ZNF106: variants seen among roughly 807,000 people sequenced by gnomAD.
The protein encoded by ZNF106 is zinc finger protein 106, also known as SH3-domain binding protein 3.
Under a neutral mutation model 195.1 loss-of-function variants are expected in ZNF106, and 67 were observed. That is an observed-to-expected ratio of 0.34 (90% CI 0.28 to 0.42). The LOEUF is 0.42. Ranked by LOEUF, ZNF106 falls within the 10% of genes least tolerant of loss-of-function variation. The probability of loss-of-function intolerance (pLI) is 1.00; values close to 1 mark genes in which losing one functional copy is unlikely to be tolerated. For missense variants in ZNF106, 2,118 were observed against 2,304.5 expected (o/e 0.92, Z 1.66); for synonymous variants, 784 against 818.6 (o/e 0.96, Z 0.72).
intron 3 of ZNF106, among the ~76,000 whole-genome samples, chr15:42,457,896 A>C (rs2056284183): frequency 6.6e-6 from 1 of 152,220 alleles, no homozygotes; most frequent in Non-Finnish European, 1.5e-5. Context: ...TAAACTAGGC[A>C]GACTTTTTTG....
chr15:42,476,214 C>T lies in ZNF106; in HGVS notation c.-32-3893G>A, dbSNP rs571730070. Among the ~76,000 whole-genome samples, 291 of 152,188 alleles carry T rather than the reference C, an allele frequency of 1.9e-3. 1 individual carries two copies. Among genetic ancestry groups the T allele is most frequent in the African/African-American group, 6.7e-3 (280 of 41,506 alleles). ...ATAAGGAAGATTTAGTATTTAAACCCTGAGGTGACATGATTCCAGGCAAAG... is the reference window on the plus strand; with the variant it reads ...ATAAGGAAGATTTAGTATTTAAACCTTGAGGTGACATGATTCCAGGCAAAG... On this transcript the variant is annotated intron_variant, in intron 1 of 21. Coordinates refer to ENST00000564754, the MANE Select transcript of ZNF106 (RefSeq NM_001366845.3).
At chr15:42,478,101 G>A (rs2595935) in intron 1 of ZNF106, among the ~76,000 whole-genome samples, 147,129 of 151,110 alleles carry the variant, frequency 0.97, 71,705 homozygotes, top group Non-Finnish European at 1. Flanking sequence ...CAAAAAAAAA[G>A]ACAAAAATCT....
chr15:42,464,450 T>A (rs2056466141), intron 3 of ZNF106, among the ~76,000 whole-genome samples: 1 of 151,828 alleles, frequency 6.6e-6, no homozygotes, highest in Non-Finnish European at 1.5e-5. Context: ...TTTCCAAACT[T>A]CAAATTGACA....
chr15:42,415,558 CTGG>C lies in ZNF106; in HGVS notation c.*1743_*1745del. The C allele has an allele frequency of 2.2e-6, 1 of 448,730 alleles. No individual in the cohort carries two copies. Among genetic ancestry groups the C allele is most frequent in the Non-Finnish European group, 4.5e-6 (1 of 223,232 alleles). The allele number at this position is 448,730 out of a possible 1,614,324, so 27.8% of individuals were successfully genotyped here. On this transcript the variant is annotated 3_prime_UTR_variant, in exon 22 of 22. Coordinates refer to ENST00000564754, the MANE Select transcript of ZNF106 (RefSeq NM_001366845.3). ...CTCTTGAAGCCTATCCATAAACCCC[CTGG>C]TGAAGTCCCCCTGCCCGATAGCCTG...
At chr15:42,480,097 C>A (rs556395739) in intron 1 of ZNF106, among the ~76,000 whole-genome samples, 1 of 152,302 alleles carries the variant, frequency 6.6e-6, no homozygotes, top group Admixed American at 6.5e-5. Flanking sequence ...AATCTTCCCA[C>A]CTCGGCCTCC....
At chr15:42,469,426 TTTTG>T (rs1232344330) in intron 2 of ZNF106, among the ~76,000 whole-genome samples, 1 of 152,190 alleles carries the variant, frequency 6.6e-6, no homozygotes, top group Admixed American at 6.5e-5. Flanking sequence ...TTAATGTGAC[TTTTG>T]TTTTTTTTAA....
chr15:42,443,816 G>A (rs1280528966), intron 9 of ZNF106, among the ~76,000 whole-genome samples: 2 of 151,980 alleles, frequency 1.3e-5, no homozygotes, highest in Non-Finnish European at 2.9e-5. Context: ...CCCTCAAAGA[G>A]AACAAAAAGG....
intron 1 of ZNF106, among the ~76,000 whole-genome samples, chr15:42,481,333 ATTCT>A (rs752598384): frequency 4.7e-4 from 64 of 135,554 alleles, no homozygotes; most frequent in Non-Finnish European, 8.0e-4. Flanking sequence ...TTTATTTCAT[ATTCT>A]TTCTGTTTTT....
rs546912849 is a variant in ZNF106, at chr15:42,415,122, C to CTTT, written c.*2179_*2181dup. 1.5e-4 allele frequency: 24 copies of CTTT among 161,716 alleles called. No homozygotes were observed. Among genetic ancestry groups the CTTT allele is most frequent in the African/African-American group, 4.7e-4 (17 of 36,534 alleles). 10.0% of individuals were successfully genotyped at this position (161,716 alleles called of 1,614,324 possible). A position where few individuals can be genotyped will look rare whatever the true frequency, so the allele number is the denominator to read the frequency against. ...CCATTCATTATCTCCTAGATTAACTCTTTTTTTTTTTTTTTTGAGGTGGAG... is the reference window on the plus strand; with the variant it reads ...CCATTCATTATCTCCTAGATTAACTCTTTTTTTTTTTTTTTTTTTGAGGTGGAG... On this transcript the variant is annotated 3_prime_UTR_variant, in exon 22 of 22. Coordinates refer to ENST00000564754, the MANE Select transcript of ZNF106 (RefSeq NM_001366845.3).
chr15:42,490,886 G>A (rs1375905018), intron 1 of ZNF106, 94 bp downstream of exon 1: 3 of 152,338 alleles, frequency 2.0e-5, no homozygotes, highest in African/African-American at 7.2e-5. Flanking sequence ...GAAACCCGGT[G>A]GTGTCTTGCA....
rs1404710119 is a variant in ZNF106 at position 42,441,911 on chromosome 15, T to C, written c.3763+162A>G. On this transcript the variant is annotated intron_variant, in intron 10 of 21. Coordinates refer to ENST00000564754, the MANE Select transcript of ZNF106 (RefSeq NM_001366845.3). ...TATTTAAATTACATTCTCTAAAATA[T>C]TTTAAAAGAATCCTCCTGTATATAT... 43 of 489,884 alleles carry C rather than the reference T, an allele frequency of 8.8e-5. No homozygotes were observed. The Middle Eastern group carries it at 1.6e-3, about 18-fold the overall frequency. 30.3% of individuals were successfully genotyped at this position (489,884 alleles called of 1,614,324 possible). A position where few individuals can be genotyped will look rare whatever the true frequency, so the allele number is the denominator to read the frequency against.
intron 16 of ZNF106, chr15:42,424,310 G>A: frequency 2.2e-6 from 1 of 460,430 alleles, no homozygotes; most frequent in East Asian, 3.4e-5. Flanking sequence ...GCCTAGAAGG[G>A]CATTCGAGTA....
Position 42,417,118 on chromosome 15 carries a change from A to C in ZNF106, c.*186T>G. The C allele has an allele frequency of 1.7e-6, 1 of 589,822 alleles. No individual in the cohort carries two copies. Among genetic ancestry groups the C allele is most frequent in the South Asian group, 2.2e-5 (1 of 46,196 alleles). 36.5% of individuals were successfully genotyped at this position (589,822 alleles called of 1,614,324 possible). A position where few individuals can be genotyped will look rare whatever the true frequency, so the allele number is the denominator to read the frequency against. On this transcript the variant is annotated 3_prime_UTR_variant, in exon 22 of 22. Coordinates refer to ENST00000564754, the MANE Select transcript of ZNF106 (RefSeq NM_001366845.3). ...TTGTCTAAATCTATTTAAAACCTCCAGCAAGAACTTAAAAGTGTAATTTAT... is the reference window on the plus strand; with the variant it reads ...TTGTCTAAATCTATTTAAAACCTCCCGCAAGAACTTAAAAGTGTAATTTAT...
In ZNF106 at chr15:42,414,977, C is replaced by G. The variant is rs1355752622; in HGVS notation, c.*2327G>C. 1 of 152,250 alleles carries G rather than the reference C, an allele frequency of 6.6e-6. No homozygotes were observed. Among genetic ancestry groups the G allele is most frequent in the Non-Finnish European group, 1.5e-5 (1 of 68,124 alleles). The allele number at this position is 152,250 out of a possible 1,614,324, so 9.4% of individuals were successfully genotyped here. A position where few individuals can be genotyped will look rare whatever the true frequency, so the allele number is the denominator to read the frequency against. ...CAAATATTTAATACACCTTTTGCAA[C>G]AAGATCTTCTCTGTTCTCCATTAAG... On this transcript the variant is annotated 3_prime_UTR_variant, in exon 22 of 22. Transcript: ENST00000564754.
intron 20 of ZNF106, among the ~76,000 whole-genome samples, chr15:42,419,639 G>C (rs923871175): frequency 2.6e-5 from 4 of 151,954 alleles, no homozygotes; most frequent in Non-Finnish European, 5.9e-5. Flanking sequence ...ATTCTAATTC[G>C]AACACATGTT....
chr15:42,419,514 C>T (rs925295149), intron 20 of ZNF106, among the ~76,000 whole-genome samples: 1 of 151,426 alleles, frequency 6.6e-6, no homozygotes, highest in Non-Finnish European at 1.5e-5. Context: ...GCTGCACTCC[C>T]GCCTGAGTAA....
At chr15:42,473,037 GA>G (rs1216368267) in intron 1 of ZNF106, among the ~76,000 whole-genome samples, 5 of 149,154 alleles carry the variant, frequency 3.4e-5, no homozygotes, top group African/African-American at 9.9e-5. Context: ...GTTTAAGTTA[GA>G]ACATATACAG....
chr15:42,452,109 T>C (rs1327965415), intron 4 of ZNF106, among the ~76,000 whole-genome samples, 155 bp from the exon 5 acceptor site: 1 of 152,224 alleles, frequency 6.6e-6, no homozygotes, highest in African/African-American at 2.4e-5. Context: ...TTTTCATATC[T>C]TTAAATGATA....
At chr15:42,429,294 C>A (rs2054969732) in intron 14 of ZNF106, among the ~76,000 whole-genome samples, 1 of 151,286 alleles carries the variant, frequency 6.6e-6, no homozygotes, top group Non-Finnish European at 1.5e-5. Flanking sequence ...CAAAAATTAG[C>A]TGGGCATGGT....
Sources: allele counts gnomAD v4.1 joint callset (sites outside exome capture counted in the v4.1 genomes callset), GRCh38; gene constraint gnomAD v4.1.1; transcripts MANE v1.5; gene names NCBI Gene and HGNC (gene_info 2026-07-23, HGNC 2026-07-21).